Variants in LRBA observed in about 807,000 individuals in gnomAD.
LRBA encodes the protein lipopolysaccharide-responsive and beige-like anchor protein.
A neutral mutation model predicts 330.0 loss-of-function variants in LRBA; 176 were observed. The ratio of observed to expected loss-of-function variants is 0.53; its 90% CI spans 0.47 to 0.60. The LOEUF (loss-of-function observed/expected upper bound fraction) is 0.60, where lower values mean the gene tolerates loss of function less well. Ranked by LOEUF, LRBA falls within the 20% of genes least tolerant of loss-of-function variation. LRBA has a pLI of 0.00. For missense variants in LRBA, 3,259 were observed against 3,444.8 expected (o/e 0.95, Z 1.35); for synonymous variants, 1,230 against 1,193.0 (o/e 1.03, Z -0.64).
chr4:150,870,032 A>G (rs1753240409), intron 20 of LRBA, among the ~76,000 whole-genome samples: 1 of 152,232 alleles, frequency 6.6e-6, no homozygotes, highest in Non-Finnish European at 1.5e-5. Flanking sequence ...TAATTTTAAT[A>G]ACATGATCTT....
At chr4:150,398,256 A>G (rs899566530) in intron 47 of LRBA, among the ~76,000 whole-genome samples, 3 of 152,222 alleles carry the variant, frequency 2.0e-5, no homozygotes, top group African/African-American at 7.2e-5. Context: ...TATACAATCA[A>G]TAAGACTAAC....
chr4:150,385,103 C>T (rs1452030402), intron 47 of LRBA, among the ~76,000 whole-genome samples: 1 of 152,004 alleles, frequency 6.6e-6, no homozygotes, highest in East Asian at 1.9e-4. Context: ...TGAAAAATAA[C>T]TCAAACTGTG....
chr4:150,905,559 AC>A (rs1731229018), intron 13 of LRBA, among the ~76,000 whole-genome samples: 2 of 152,088 alleles, frequency 1.3e-5, no homozygotes, highest in African/African-American at 4.8e-5. Flanking sequence ...ATTTCAGAAA[AC>A]AAAGACTATA....
intron 34 of LRBA, among the ~76,000 whole-genome samples, chr4:150,786,965 C>T (rs1739157364): frequency 6.6e-6 from 1 of 152,202 alleles, no homozygotes; most frequent in Non-Finnish European, 1.5e-5. Context: ...GGTGTGGTGG[C>T]TGACGCCTCT....
Position 150,871,414 on chromosome 4 carries a change from T to A in LRBA, c.2298A>T (p.Ser766=). The change falls in exon 19 of 57, where the codon TCA becomes TCT. Residue 766 remains serine, a synonymous_variant. Coordinates refer to ENST00000651943, the MANE Select transcript of LRBA (RefSeq NM_001364905.1). ...AEVMLGHGLF[S]LLAERLMLQT... ...GAAGCATGAGCCTTTCAGCTAGCAA[T>A]GAAAACAATCCATGTCCAAGCATGA... 2 of 1,612,622 alleles carry A rather than the reference T, an allele frequency of 1.2e-6. No individual in the cohort carries two copies. The highest frequency in any genetic ancestry group is 8.5e-7 in the Non-Finnish European group (1 of 1,178,850).
chr4:150,315,688 C>A, intron 50 of LRBA, 65 bp from the exon 51 acceptor site: 1 of 966,262 alleles, frequency 1.0e-6, no homozygotes, highest in South Asian at 1.7e-5. Context: ...CATAAAAATG[C>A]ATAAGTCAAA....
rs564517776 is a variant in LRBA at position 150,566,554 on chromosome 4, A to G, written c.6330+21494T>C. ...ACTTTCTTTTAATTATAGATTTCCA[A>G]TTAAACTATTTAGGAAAAGCTATAC... On this transcript the variant is annotated intron_variant, in intron 40 of 56. Coordinates refer to ENST00000651943, the MANE Select transcript of LRBA (RefSeq NM_001364905.1). Among the ~76,000 whole-genome samples, 4 of 152,254 alleles carry G rather than the reference A, an allele frequency of 2.6e-5. 1 individual carries two copies. The East Asian group carries it at 7.7e-4, about 29-fold the overall frequency.
At chr4:150,593,065 G>A (rs2126475819) in intron 38 of LRBA, among the ~76,000 whole-genome samples, 1 of 151,970 alleles carries the variant, frequency 6.6e-6, no homozygotes, top group East Asian at 1.9e-4. Context: ...CAGAAACACT[G>A]CCCTGAGGCT....
intron 22 of LRBA, among the ~76,000 whole-genome samples, chr4:150,866,750 T>C (rs1752744068): frequency 6.6e-6 from 1 of 152,124 alleles, no homozygotes; most frequent in Non-Finnish European, 1.5e-5. Flanking sequence ...ATGCAATACA[T>C]TACAATTGAG....
At chr4:150,382,736 C>G (rs567517134) in intron 47 of LRBA, among the ~76,000 whole-genome samples, 2 of 151,706 alleles carry the variant, frequency 1.3e-5, no homozygotes, top group African/African-American at 4.8e-5. Flanking sequence ...AGTTATTTAA[C>G]TAAATTTAAA....
At chr4:150,400,552 G>T (rs140625186) in intron 47 of LRBA, among the ~76,000 whole-genome samples, 1 of 152,064 alleles carries the variant, frequency 6.6e-6, no homozygotes, top group East Asian at 1.9e-4. Flanking sequence ...ATAAAAAGAC[G>T]GTTTCAAAGA....
At chr4:150,737,004 A>G (rs1273772750) in intron 35 of LRBA, among the ~76,000 whole-genome samples, 5 of 152,152 alleles carry the variant, frequency 3.3e-5, no homozygotes. Flanking sequence ...ACATGAGGCC[A>G]GTAGTTCAAG....
At chr4:150,651,903 C>A (rs1281806258) in intron 37 of LRBA, among the ~76,000 whole-genome samples, 2 of 152,110 alleles carry the variant, frequency 1.3e-5, no homozygotes, top group Non-Finnish European at 2.9e-5. Context: ...TGCTCTGTTG[C>A]CCAAGCTAGA....
chr4:150,399,980 ACAAT>A (rs57262800), intron 47 of LRBA, among the ~76,000 whole-genome samples: 12 of 151,284 alleles, frequency 7.9e-5, no homozygotes, highest in Admixed American at 2.0e-4. Flanking sequence ...TGTCAATCAA[ACAAT>A]CAATCAATCA....
chr4:150,726,731 A>AG (rs745907597), intron 36 of LRBA, among the ~76,000 whole-genome samples: 23 of 152,146 alleles, frequency 1.5e-4, no homozygotes, highest in Non-Finnish European at 3.1e-4. Flanking sequence ...ACTGCCCCCC[A>AG]GTGATCCAAT....
intron 48 of LRBA, among the ~76,000 whole-genome samples, chr4:150,336,886 G>A (rs999616024): frequency 2.6e-5 from 4 of 152,096 alleles, no homozygotes; most frequent in African/African-American, 7.2e-5. Context: ...AATGTTCAGC[G>A]GCACTGTGTT....
chr4:150,953,104 T>C (rs1737033869), intron 2 of LRBA, among the ~76,000 whole-genome samples: 1 of 152,184 alleles, frequency 6.6e-6, no homozygotes, highest in Admixed American at 6.5e-5. Context: ...ATCATTTCTA[T>C]CTGAAGAGCG....
chr4:150,557,588 T>A (rs1326100303), intron 40 of LRBA, among the ~76,000 whole-genome samples: 2 of 152,134 alleles, frequency 1.3e-5, no homozygotes, highest in Non-Finnish European at 2.9e-5. Context: ...TAATGGTTTT[T>A]AAGACTTTTC....
intron 46 of LRBA, among the ~76,000 whole-genome samples, chr4:150,434,420 C>T (rs1279202309): frequency 1.3e-5 from 2 of 152,174 alleles, no homozygotes; most frequent in Non-Finnish European, 2.9e-5. Context: ...GAATGCTTTA[C>T]TAAGCAAAAT....
Sources: allele counts gnomAD v4.1 joint callset (sites outside exome capture counted in the v4.1 genomes callset), GRCh38; gene constraint gnomAD v4.1.1; transcripts MANE v1.5; gene names NCBI Gene and HGNC (gene_info 2026-07-23, HGNC 2026-07-21).